KRT74: variants seen among roughly 807,000 people sequenced by gnomAD.
KRT74 encodes the protein keratin, type II cytoskeletal 74.
KRT74 carries 43 observed loss-of-function variants against 42.7 expected under a neutral mutation model. The observed-to-expected ratio is 1.01, with a 90% CI of 0.79 to 1.30. The LOEUF is 1.30. KRT74 is among the 50% of genes most tolerant of loss of function. KRT74 has a pLI of 0.00. For missense variants in KRT74, 736 were observed against 689.1 expected, an observed-to-expected ratio of 1.07 and a Z score of -0.76; for synonymous variants, 302 against 279.0, an observed-to-expected ratio of 1.08 and a Z score of -0.82.
At position 52,570,714 on chromosome 12, in the gene KRT74, G is replaced by A. The variant is rs749351683; in HGVS notation, c.963C>T (p.Ile321=). The change falls in exon 5 of 9, where the codon ATC becomes ATT. Residue 321 remains isoleucine (I), a synonymous_variant. Coordinates refer to ENST00000305620, the MANE Select transcript of KRT74 (RefSeq NM_175053.4). ...CGGCCTCGGCCTTGCTCTTCAGGGC[G>A]ATCTCCTCATAATGCATGCGGACCT... ...IAEVRMHYEE[I]ALKSKAEAEA... The A allele has an allele frequency of 6.2e-6, 10 of 1,614,110 alleles. No homozygotes were observed. The highest frequency in any genetic ancestry group is 4.0e-5 in the African/African-American group (3 of 74,942).
intron 7 of KRT74, 28 bp from the exon 8 acceptor site, chr12:52,567,721 A>G: frequency 6.3e-7 from 1 of 1,583,982 alleles, no homozygotes; most frequent in Non-Finnish European, 8.7e-7. Flanking sequence ...AGAGAAAGAT[A>G]AAAACTCAGT....
chr12:52,568,405 C>G lies in KRT74; in HGVS notation c.1135-16G>C. ...GGCTGGCACGCTGAAGGGCAAAGAA[C>G]AGAGAGACCATCAGAACAGAAAATT... On this transcript the variant is annotated splice_polypyrimidine_tract_variant and intron_variant, in intron 6 of 8. Coordinates refer to ENST00000305620, the MANE Select transcript of KRT74 (RefSeq NM_175053.4). 1 of 1,613,428 alleles carries G rather than the reference C, an allele frequency of 6.2e-7. No individual in the cohort carries two copies. Among genetic ancestry groups the G allele is most frequent in the Non-Finnish European group, 8.5e-7 (1 of 1,179,588 alleles).
rs1418833709 is a variant in KRT74, at chr12:52,567,973, TCA to T, written c.1355+194_1355+195del. On this transcript the variant is annotated intron_variant, in intron 7 of 8. Coordinates refer to ENST00000305620, the MANE Select transcript of KRT74 (RefSeq NM_175053.4). ...GGTCTGTCTGAGCCCCCGGTTCTCA[TCA>T]CAGCAGCACACGGCCATCTACGCTT... Among the ~76,000 whole-genome samples, 4 of 152,114 alleles carry T rather than the reference TCA, an allele frequency of 2.6e-5. No individual in the cohort carries two copies. The East Asian group carries it at 5.8e-4, about 22-fold the overall frequency.
chr12:52,572,028 C>T lies in KRT74; in HGVS notation c.687-24G>A, dbSNP rs748388962. ...ATCTGCCAGCAGGGAGAGTAGATGG[C>T]CTTAGCCCCCTTAGCCAAGGAACTT... On this transcript the variant is annotated intron_variant, in intron 2 of 8. Coordinates refer to ENST00000305620, the MANE Select transcript of KRT74 (RefSeq NM_175053.4). 1.1e-5 allele frequency: 17 copies of T among 1,506,532 alleles called. No homozygotes were observed. The South Asian group carries it at 1.5e-4, about 13-fold the overall frequency. The allele number at this position is 1,506,532 out of a possible 1,614,324, so 93.3% of individuals were successfully genotyped here. A position where few individuals can be genotyped will look rare whatever the true frequency, so the allele number is the denominator to read the frequency against.
At chr12:52,568,061 A>G in intron 7 of KRT74, 108 bp downstream of exon 7, 1 of 1,301,354 alleles carries the variant, frequency 7.7e-7, no homozygotes, top group East Asian at 2.4e-5. Flanking sequence ...AAATCACCAC[A>G]TCTCTTGCTT....
intron 6 of KRT74, chr12:52,569,571 C>T (rs1042414268): frequency 3.3e-6 from 2 of 599,488 alleles, no homozygotes; most frequent in Admixed American, 5.9e-5. Flanking sequence ...TAGCTCCATT[C>T]ATTACCAGCT....
chr12:52,571,828 C>T (rs1230982506), intron 3 of KRT74, 116 bp downstream of exon 3: 3 of 810,152 alleles, frequency 3.7e-6, no homozygotes, highest in Non-Finnish European at 6.7e-6. Flanking sequence ...TCACCAGGCA[C>T]CAGCCCCCTC....
intron 8 of KRT74, 73 bp from the exon 9 acceptor site, chr12:52,567,241 T>C (rs1592211651): frequency 2.3e-6 from 3 of 1,301,736 alleles, no homozygotes; most frequent in South Asian, 1.5e-5. Flanking sequence ...GTAACGGCTG[T>C]CCCCAAGGGC....
Position 52,568,273 on chromosome 12 carries a change from C to T in KRT74, c.1251G>A (p.Glu417=), listed in dbSNP as rs774171324. 5.0e-6 allele frequency: 8 copies of T among 1,614,232 alleles called. No individual in the cohort carries two copies. The South Asian group carries it at 8.8e-5, about 18-fold the overall frequency. ...GGTACTCGCGCAGCATCCGCGCCAGCTCCTCCTTGGCCTGGTGCAGGGCGC... is the reference window on the plus strand; with the variant it reads ...GGTACTCGCGCAGCATCCGCGCCAGTTCCTCCTTGGCCTGGTGCAGGGCGC... ...LEGALHQAKE[E]LARMLREYQE... The change falls in exon 7 of 9, where the codon GAG becomes GAA. Residue 417 remains glutamate (E), a synonymous_variant. Transcript: ENST00000305620.
At chr12:52,570,088 G>C in intron 5 of KRT74, 104 bp from the exon 6 acceptor site, 1 of 1,333,326 alleles carries the variant, frequency 7.5e-7, no homozygotes, top group South Asian at 1.2e-5. Flanking sequence ...GGATTTAACG[G>C]AACTGAAGAG....
chr12:52,570,371 A>G (rs1294604347), intron 5 of KRT74, among the ~76,000 whole-genome samples: 12 of 152,104 alleles, frequency 7.9e-5, no homozygotes, highest in Non-Finnish European at 5.9e-5. Context: ...CCCCATTCCT[A>G]TAAGTGTGTT....
Position 52,573,549 on chromosome 12 carries a change from G to T in KRT74, c.229C>A (p.Pro77Thr). Reference protein sequence around the residue: ...GVRAGGYGFRPGSGYGGGRAS... With the variant: ...GVRAGGYGFRTGSGYGGGRAS... ...CGGCCCCCTCCATACCCAGAGCCAG[G>T]CCTGAAGCCGTAACCTCCAGCCCGA... The change falls in exon 1 of 9, where the codon CCT becomes ACT. Residue 77 changes from proline (P) to threonine (T), a missense_variant. Physicochemically the swap from Pro to Thr is conservative, Grantham distance 38. Transcript: ENST00000305620. The T allele has an allele frequency of 1.2e-6, 2 of 1,613,986 alleles. No homozygotes were observed. The highest frequency in any genetic ancestry group is 1.7e-6 in the Non-Finnish European group (2 of 1,180,020).
rs140304074 is a variant in KRT74, at chr12:52,567,039, C to A, written c.1520G>T (p.Gly507Val). The change falls in exon 9 of 9, where the codon GGG becomes GTG. Residue 507 changes from glycine to valine, a missense_variant. Coordinates refer to ENST00000305620, the MANE Select transcript of KRT74 (RefSeq NM_175053.4). ...SGQTKTTEAR[G>V]GDLKDTQGKS... ...GCCCTGGGTGTCCTTGAGGTCTCCC[C>A]CTCGCGCCTCTGTGGTCTTGGTCTG... 1.8e-3 allele frequency: 2,885 copies of A among 1,600,310 alleles called. 6 individuals carry two copies. The highest frequency in any genetic ancestry group is 2.3e-3 in the Non-Finnish European group (2,667 of 1,171,250).
At chr12:52,571,245 C>G in intron 4 of KRT74, 114 bp downstream of exon 4, 1 of 782,278 alleles carries the variant, frequency 1.3e-6, no homozygotes, top group South Asian at 1.4e-5. Flanking sequence ...GGGTTTTGTA[C>G]CTTTCTACCA....
intron 1 of KRT74, 51 bp from the exon 2 acceptor site, chr12:52,572,718 C>A: frequency 6.6e-7 from 1 of 1,512,542 alleles, no homozygotes; most frequent in Non-Finnish European, 9.2e-7. Context: ...GCAGTCATGC[C>A]CCCTGGACAC....
rs1270387429 is a variant in KRT74, at chr12:52,569,029, C to T, written c.1135-640G>A. ...AACTATGCTCATGGAATTTGTGAAT[C>T]GGCCAAATGTAGAGTCGTAGAGTTG... On this transcript the variant is annotated intron_variant, in intron 6 of 8. Transcript: ENST00000305620. Among the ~76,000 whole-genome samples the T allele has an allele frequency of 3.9e-5, 6 of 152,130 alleles. No homozygotes were observed. The South Asian group carries it at 1.0e-3, about 26-fold the overall frequency.
rs147945552 is a variant in KRT74, at chr12:52,568,350, G to T, written c.1174C>A (p.Arg392=). The change falls in exon 7 of 9, where the codon CGG becomes AGG. Residue 392 remains arginine (R), a synonymous_variant. Coordinates refer to ENST00000305620, the MANE Select transcript of KRT74 (RefSeq NM_175053.4). ...LETAIADAEQ[R]GDNALKDAQA... ...GCATCCTTCAGGGCATTGTCTCCCC[G>T]CTGCTCAGCGTCAGCGATGGCCGTC... 2 of 1,614,222 alleles carry T rather than the reference G, an allele frequency of 1.2e-6. No individual in the cohort carries two copies. The highest frequency in any genetic ancestry group is 1.7e-5 in the Admixed American group (1 of 60,032).
chr12:52,566,627 A>G lies in KRT74; in HGVS notation c.*342T>C, dbSNP rs1445549404. 3 of 259,812 alleles carry G rather than the reference A, an allele frequency of 1.2e-5. No individual in the cohort carries two copies. The highest frequency in any genetic ancestry group is 1.3e-4 in the East Asian group (2 of 14,910). The allele number at this position is 259,812 out of a possible 1,614,324, so 16.1% of individuals were successfully genotyped here. ...ACTTGGCCTAAGCACAGAACAAACC[A>G]GCCCCTCCCCTGTCGTCTCCTGCTC... On this transcript the variant is annotated 3_prime_UTR_variant, in exon 9 of 9. Transcript: ENST00000305620.
chr12:52,572,724 G>T lies in KRT74; in HGVS notation c.472-57C>A, dbSNP rs530914687. 15 of 1,487,070 alleles carry T rather than the reference G, an allele frequency of 1.0e-5. No homozygotes were observed. The East Asian group carries it at 3.4e-4, about 34-fold the overall frequency. 92.1% of individuals were successfully genotyped at this position (1,487,070 alleles called of 1,614,324 possible). A position where few individuals can be genotyped will look rare whatever the true frequency, so the allele number is the denominator to read the frequency against. ...ACAATGGGTGCAGTCATGCCCCCTG[G>T]ACACACACCATTGACTCCCCAGGTT... is the stretch of plus-strand genomic sequence containing the variant. On this transcript the variant is annotated intron_variant, in intron 1 of 8. Coordinates refer to ENST00000305620, the MANE Select transcript of KRT74 (RefSeq NM_175053.4).
Sources: gnomAD v4.1 joint callset for allele counts (sites outside exome capture counted in the v4.1 genomes callset) on GRCh38, gnomAD v4.1.1 for gene constraint, MANE v1.5 for transcripts, NCBI Gene and HGNC (gene_info 2026-07-23, HGNC 2026-07-21) for gene names.